NAV3: variants seen among roughly 807,000 people sequenced by gnomAD.
NAV3 encodes the protein neuron navigator 3, also known as pore membrane and/or filament interacting like protein 1.
In NAV3, 87 loss-of-function variants were observed where a neutral mutation model predicts 244.7. The observed-to-expected ratio is 0.36, with a 90% confidence interval of 0.30 to 0.42. NAV3 has a LOEUF of 0.42. Ranked by LOEUF, NAV3 falls within the 20% of genes least tolerant of loss-of-function variation. The pLI is 1.00. For missense variants in NAV3, 2,663 were observed against 2,893.3 expected (o/e 0.92, Z 1.83); for synonymous variants, 1,126 against 1,042.2 (o/e 1.08, Z -1.55).
intron 4 of NAV3, among the ~76,000 whole-genome samples, chr12:77,967,190 C>A (rs964571065): frequency 6.6e-6 from 1 of 151,974 alleles, no homozygotes; most frequent in Non-Finnish European, 1.5e-5. Context: ...ATGTCTCTTC[C>A]TTATGAAAAC....
intron 2 of NAV3, among the ~76,000 whole-genome samples, chr12:77,588,813 A>AT (rs141058360): frequency 0.035 from 5,262 of 152,332 alleles, 122 homozygotes; most frequent in Middle Eastern, 0.071. Flanking sequence ...TTGACAAAAT[A>AT]TTTTTATTTG....
At chr12:77,606,513 A>T (rs1870677277) in intron 2 of NAV3, among the ~76,000 whole-genome samples, 1 of 152,110 alleles carries the variant, frequency 6.6e-6, no homozygotes, top group South Asian at 2.1e-4. Flanking sequence ...CTACAATGTG[A>T]GTAACTTCAG....
At chr12:77,774,452 T>A (rs900700975) in intron 2 of NAV3, among the ~76,000 whole-genome samples, 4 of 152,136 alleles carry the variant, frequency 2.6e-5, no homozygotes, top group African/African-American at 9.7e-5. Flanking sequence ...TATTTTGAAG[T>A]CACTTTTCCA....
chr12:78,141,022 G>A (rs1246149343), intron 20 of NAV3, among the ~76,000 whole-genome samples: 1 of 151,918 alleles, frequency 6.6e-6, no homozygotes, highest in African/African-American at 2.4e-5. Context: ...CTGTCAAGCA[G>A]CTAGGACTAC....
intron 2 of NAV3, among the ~76,000 whole-genome samples, chr12:77,577,899 A>G (rs1869166964): frequency 6.6e-6 from 1 of 152,162 alleles, no homozygotes; most frequent in Non-Finnish European, 1.5e-5. Context: ...TTCTCTGGAT[A>G]GCAGGCTGCC....
intron 21 of NAV3, among the ~76,000 whole-genome samples, chr12:78,146,718 A>G (rs1956878572): frequency 6.6e-6 from 1 of 151,656 alleles, no homozygotes; most frequent in South Asian, 2.1e-4. Context: ...TCTTTTTCCC[A>G]CTCCCTGTAA....
chr12:77,590,588 G>T (rs1869860410), intron 2 of NAV3, among the ~76,000 whole-genome samples: 1 of 152,118 alleles, frequency 6.6e-6, no homozygotes, highest in South Asian at 2.1e-4. Context: ...GAGTGATGAA[G>T]TAATCCGTAC....
intron 9 of NAV3, chr12:78,037,114 G>C (rs1374917185): frequency 2.8e-6 from 2 of 702,884 alleles, no homozygotes; most frequent in East Asian, 2.7e-5. Context: ...CACACCAGCA[G>C]CTCAGCCTGG....
chr12:77,752,165 T>G (rs10506758), intron 2 of NAV3, among the ~76,000 whole-genome samples: 4,208 of 152,308 alleles, frequency 0.028, 208 homozygotes, highest in African/African-American at 0.096. Flanking sequence ...GAGGCTATCT[T>G]TTCTTACCAT....
At chr12:77,886,143 A>G (rs1883261682) in intron 1 of NAV3, among the ~76,000 whole-genome samples, 1 of 152,080 alleles carries the variant, frequency 6.6e-6, no homozygotes, top group Non-Finnish European at 1.5e-5. Flanking sequence ...AGAAATGTAA[A>G]TCTGACCATT....
At chr12:78,013,719 A>G (rs1430171306) in intron 8 of NAV3, among the ~76,000 whole-genome samples, 2 of 152,080 alleles carry the variant, frequency 1.3e-5, no homozygotes, top group African/African-American at 4.8e-5. Context: ...AGTATGTAAA[A>G]TGGATTGTTT....
chr12:77,771,141 C>T (rs1870060690), intron 2 of NAV3, among the ~76,000 whole-genome samples: 2 of 152,256 alleles, frequency 1.3e-5, no homozygotes, highest in East Asian at 3.9e-4. Flanking sequence ...GACATTTATG[C>T]AGCCAAAAAA....
At chr12:77,741,167 G>GAAAAAAAAAAAAAAAAAAA (rs1868327621) in intron 2 of NAV3, among the ~76,000 whole-genome samples, 1 of 76,072 alleles carries the variant, frequency 1.3e-5, no homozygotes, top group African/African-American at 4.6e-5. Context: ...AAAAAAAAAA[G>GAAAAAAAAAAAAAAAAAAA]AAAAGAAAGA....
chr12:77,740,058 C>T (rs1868299531), intron 2 of NAV3, among the ~76,000 whole-genome samples: 1 of 152,072 alleles, frequency 6.6e-6, no homozygotes, highest in Admixed American at 6.5e-5. Flanking sequence ...CTTTGATATT[C>T]TTCAATTAAG....
rs149540884 is a variant in NAV3, at chr12:77,788,029, G to T, written c.73-152290G>T. Among the ~76,000 whole-genome samples the T allele has an allele frequency of 4.9e-3, 739 of 152,292 alleles. 10 individuals are homozygous for T. The highest frequency in any genetic ancestry group is 0.016 in the African/African-American group (680 of 41,558). On this transcript the variant is annotated intron_variant, in intron 2 of 8. Transcript: ENST00000550042. ...AGTGGTAAAAAATCCAGTCTCTGGTGCTGGATTACCAGTGTTGGGGTCTTG... is the reference window on the plus strand; with the variant it reads ...AGTGGTAAAAAATCCAGTCTCTGGTTCTGGATTACCAGTGTTGGGGTCTTG...
At position 78,178,090 on chromosome 12, in the gene NAV3, A is replaced by C. The variant is rs561476437; in HGVS notation, c.5363+405A>C. Reference sequence around the variant, plus strand: ...GCACAATAAGTGATTAACAGCAATAATAGAACAATTACAACAATATTTTCT... The same window carrying C: ...GCACAATAAGTGATTAACAGCAATACTAGAACAATTACAACAATATTTTCT... On this transcript the variant is annotated intron_variant, in intron 28 of 39. Coordinates refer to ENST00000397909, the MANE Select transcript of NAV3 (RefSeq NM_001024383.2). Among the ~76,000 whole-genome samples the C allele has an allele frequency of 5.3e-5, 8 of 152,128 alleles. No individual in the cohort carries two copies. The South Asian group carries it at 1.7e-3, about 32-fold the overall frequency.
rs750850082 is a variant in NAV3, at chr12:78,051,490, A to AT, written c.2516+353dup. ...AGGAGGAGTTTTGCTGATTTGCTTG[A>AT]TTTTTTTTTTCTTTTTTAGCTTGTT... On this transcript the variant is annotated intron_variant, in intron 11 of 39. Transcript: ENST00000397909. Among the ~76,000 whole-genome samples, 300 of 149,546 alleles carry AT rather than the reference A, an allele frequency of 2.0e-3. 1 individual carries two copies. Among genetic ancestry groups the AT allele is most frequent in the African/African-American group, 6.5e-3 (263 of 40,724 alleles).
chr12:77,764,869 C>T (rs1236032393), intron 2 of NAV3, among the ~76,000 whole-genome samples: 4 of 152,322 alleles, frequency 2.6e-5, no homozygotes, highest in South Asian at 2.1e-4. Flanking sequence ...TATCCCAGTT[C>T]GTGTAACATA....
intron 1 of NAV3, among the ~76,000 whole-genome samples, chr12:77,851,781 T>C (rs1420254954): frequency 1.3e-5 from 2 of 152,214 alleles, no homozygotes; most frequent in Non-Finnish European, 2.9e-5. Context: ...AAGCATTATC[T>C]AATACCAGCT....
Sources: gnomAD v4.1 joint callset for allele counts (sites outside exome capture counted in the v4.1 genomes callset) on GRCh38, gnomAD v4.1.1 for gene constraint, MANE v1.5 for transcripts, NCBI Gene and HGNC (gene_info 2026-07-23, HGNC 2026-07-21) for gene names.